Variants in CCDC148 observed in about 807,000 individuals in gnomAD.
The protein encoded by CCDC148 is coiled-coil domain-containing protein 148.
A neutral mutation model predicts 85.7 loss-of-function variants in CCDC148; 89 were observed. That is an observed-to-expected ratio of 1.04 (90% CI 0.87 to 1.24). The LOEUF is 1.24. CCDC148 is among the 50% of genes most tolerant of loss of function. The probability of loss-of-function intolerance (pLI) is 0.00; values close to 1 mark genes in which losing one functional copy is unlikely to be tolerated. For missense variants in CCDC148, 692 were observed against 671.7 expected (o/e 1.03, Z -0.33); for synonymous variants, 230 against 213.9 (o/e 1.08, Z -0.66).
intron 11 of CCDC148, among the ~76,000 whole-genome samples, chr2:158,182,873 G>A (rs1684971849): frequency 6.6e-6 from 1 of 152,042 alleles, no homozygotes; most frequent in South Asian, 2.1e-4. Context: ...ATATTCATGG[G>A]GAAAGAAAAT....
rs757734968 is a variant in CCDC148 at position 158,220,729 on chromosome 2, T to C, written c.1252-16A>G. 2 of 1,527,232 alleles carry C rather than the reference T, an allele frequency of 1.3e-6. No homozygotes were observed. 94.6% of individuals were successfully genotyped at this position (1,527,232 alleles called of 1,614,324 possible). On this transcript the variant is annotated splice_polypyrimidine_tract_variant and intron_variant, in intron 10 of 13. Transcript: ENST00000283233. Reference sequence around the variant, plus strand: ...ATTTTTTTATCTATTGTATAAATGTTACATAAAATTTAAATTAACAACAGA... The same window carrying C: ...ATTTTTTTATCTATTGTATAAATGTCACATAAAATTTAAATTAACAACAGA...
At chr2:158,392,355 G>T (rs187999206) in intron 1 of CCDC148, among the ~76,000 whole-genome samples, 1 of 152,150 alleles carries the variant, frequency 6.6e-6, no homozygotes, top group East Asian at 1.9e-4. Context: ...GCCTACTAAT[G>T]CACTTTTCAG....
chr2:158,382,412 T>TAG (rs1684910191), intron 1 of CCDC148, among the ~76,000 whole-genome samples: 1 of 152,184 alleles, frequency 6.6e-6, no homozygotes. Flanking sequence ...TGCCGACTTA[T>TAG]GTCTAGAAAA....
intron 1 of CCDC148, among the ~76,000 whole-genome samples, chr2:158,445,809 G>GA (rs147889251): frequency 0.075 from 11,323 of 151,806 alleles, 566 homozygotes; most frequent in Middle Eastern, 0.11. Flanking sequence ...ATAAGTACAA[G>GA]AAAAAATATA....
At chr2:158,256,306 C>T (rs1397111427) in intron 9 of CCDC148, among the ~76,000 whole-genome samples, 1 of 151,664 alleles carries the variant, frequency 6.6e-6, no homozygotes, top group Non-Finnish European at 1.5e-5. Flanking sequence ...GCAGTTCTTT[C>T]ATGTGTTAAA....
intron 1 of CCDC148, among the ~76,000 whole-genome samples, chr2:158,439,664 G>A (rs995707946): frequency 6.6e-6 from 1 of 151,994 alleles, no homozygotes; most frequent in Non-Finnish European, 1.5e-5. Context: ...CATGACATTA[G>A]CCATGTATAT....
intron 1 of CCDC148, among the ~76,000 whole-genome samples, chr2:158,397,364 A>T (rs1272402466): frequency 6.6e-6 from 1 of 152,176 alleles, no homozygotes; most frequent in Non-Finnish European, 1.5e-5. Context: ...AAAAATGTTA[A>T]GGGCAGCCAG....
chr2:158,303,255 A>G (rs543923568), intron 9 of CCDC148, among the ~76,000 whole-genome samples: 1 of 152,258 alleles, frequency 6.6e-6, no homozygotes, highest in East Asian at 1.9e-4. Context: ...ATGAAGTAAT[A>G]TTTTTCACAC....
intron 10 of CCDC148, among the ~76,000 whole-genome samples, chr2:158,243,215 C>T (rs1688425080): frequency 6.6e-6 from 1 of 152,020 alleles, no homozygotes; most frequent in Non-Finnish European, 1.5e-5. Context: ...GCCACAGGGG[C>T]CAGCCACAGT....
At chr2:158,190,653 A>C (rs4664927) in intron 11 of CCDC148, among the ~76,000 whole-genome samples, 50,540 of 151,872 alleles carry the variant, frequency 0.33, 9,254 homozygotes, top group East Asian at 0.66. Context: ...TATGTATTGC[A>C]TTTAAAAAAT....
chr2:158,253,536 T>C lies in CCDC148; in HGVS notation c.1111-2624A>G, dbSNP rs148694383. Among the ~76,000 whole-genome samples the C allele has an allele frequency of 1.6e-3, 250 of 151,830 alleles. 2 individuals carry two copies. The highest frequency in any genetic ancestry group is 5.2e-3 in the African/African-American group (214 of 41,510). On this transcript the variant is annotated intron_variant, in intron 9 of 13. Transcript: ENST00000283233. ...ATACCATAACTGCTCTCTGAGTATG[T>C]TGAATAAAATGTTGGTTTCCACTTA...
intron 7 of CCDC148, among the ~76,000 whole-genome samples, chr2:158,333,336 T>C (rs1693247967): frequency 6.6e-6 from 1 of 152,138 alleles, no homozygotes; most frequent in Admixed American, 6.6e-5. Flanking sequence ...CGGTTTTGAG[T>C]TTCTTAATCC....
chr2:158,184,993 C>G (rs953306948), intron 11 of CCDC148, among the ~76,000 whole-genome samples: 1 of 152,148 alleles, frequency 6.6e-6, no homozygotes, highest in African/African-American at 2.4e-5. Flanking sequence ...AGGACTTTAC[C>G]TGACTATTGT....
chr2:158,300,066 G>C (rs1235509606), intron 9 of CCDC148, among the ~76,000 whole-genome samples: 1 of 152,158 alleles, frequency 6.6e-6, no homozygotes. Context: ...TTTATGGGTA[G>C]TCAGGTTTTA....
chr2:158,433,611 A>T (rs1298429854), intron 1 of CCDC148, among the ~76,000 whole-genome samples: 3 of 152,158 alleles, frequency 2.0e-5, no homozygotes, highest in Admixed American at 2.0e-4. Context: ...TACCAGATTC[A>T]TCTCACTGCG....
intron 9 of CCDC148, among the ~76,000 whole-genome samples, chr2:158,284,987 T>C (rs879635313): frequency 1.4e-4 from 21 of 152,126 alleles, no homozygotes; most frequent in African/African-American, 4.8e-4. Flanking sequence ...ATAACTGATA[T>C]TAAGAATTCA....
At chr2:158,176,791 G>T in intron 12 of CCDC148, 130 bp from the exon 13 acceptor site, 1 of 1,014,612 alleles carries the variant, frequency 9.9e-7, no homozygotes, top group Non-Finnish European at 1.4e-6. Context: ...GGAAAGGGCA[G>T]AAGAAATATT....
intron 1 of CCDC148, among the ~76,000 whole-genome samples, chr2:158,371,939 G>C (rs1046959800): frequency 6.6e-6 from 1 of 151,940 alleles, no homozygotes; most frequent in African/African-American, 2.4e-5. Flanking sequence ...GCTCAAAGTA[G>C]AGAGTCTCAA....
intron 1 of CCDC148, among the ~76,000 whole-genome samples, chr2:158,365,275 A>T (rs1301169418): frequency 6.6e-6 from 1 of 152,178 alleles, no homozygotes; most frequent in Non-Finnish European, 1.5e-5. Context: ...AGAACTAGAA[A>T]TATCATTTTA....
Sources: allele counts gnomAD v4.1 joint callset (sites outside exome capture counted in the v4.1 genomes callset), GRCh38; gene constraint gnomAD v4.1.1; transcripts MANE v1.5; gene names NCBI Gene and HGNC (gene_info 2026-07-23, HGNC 2026-07-21).